The following ZFPM2 variants were observed in gnomAD, a reference collection of about 807,000 sequenced individuals.
ZFPM2 encodes zinc finger protein, FOG family member 2.
Under a neutral mutation model 98.6 loss-of-function variants are expected in ZFPM2, and 20 were observed. That is an observed-to-expected ratio of 0.20 (90% CI 0.14 to 0.29). The LOEUF (loss-of-function observed/expected upper bound fraction) is 0.29, where lower values mean the gene tolerates loss of function less well. ZFPM2 is among the 10% of genes least tolerant of loss of function. The pLI, the probability that ZFPM2 is intolerant of heterozygous loss-of-function variation, is 1.00. For synonymous variants in ZFPM2, 518 were observed against 502.7 expected (o/e 1.03, Z -0.41); for missense variants, 1,310 against 1,388.6 (o/e 0.94, Z 0.90).
At position 105,517,708 on chromosome 8, in the gene ZFPM2, CA is replaced by C. The variant is rs1813962917; in HGVS notation, c.302-43654del. On this transcript the variant is annotated intron_variant, in intron 3 of 7. Transcript: ENST00000407775. Reference sequence around the variant, plus strand: ...ACACACACACCACACACACACACACCACACACACACACACACACACACACAC... The same window carrying C: ...ACACACACACCACACACACACACACCCACACACACACACACACACACACAC... Among the ~76,000 whole-genome samples the C allele has an allele frequency of 7.2e-4, 4 of 5,556 alleles. 1 individual carries two copies. The South Asian group carries it at 0.077, about 107-fold the overall frequency. 3.6% of individuals were successfully genotyped at this position (5,556 alleles called of 152,430 possible).
intron 5 of ZFPM2, among the ~76,000 whole-genome samples, chr8:105,701,225 C>A (rs1416791796): frequency 6.6e-6 from 1 of 152,104 alleles, no homozygotes; most frequent in Non-Finnish European, 1.5e-5. Context: ...AACCTATATT[C>A]TGTTAGGATT....
At chr8:105,334,508 T>C (rs948922282) in intron 1 of ZFPM2, among the ~76,000 whole-genome samples, 1 of 151,718 alleles carries the variant, frequency 6.6e-6, no homozygotes, top group Non-Finnish European at 1.5e-5. Context: ...TTTTAAAGTA[T>C]AGTATTTCTC....
chr8:105,511,666 CA>C (rs1264330431), intron 3 of ZFPM2, among the ~76,000 whole-genome samples: 1 of 152,014 alleles, frequency 6.6e-6, no homozygotes, highest in Non-Finnish European at 1.5e-5. Context: ...AGTTTGGTAC[CA>C]AAAAGTGAAA....
At chr8:105,545,965 T>G (rs1458762518) in intron 3 of ZFPM2, among the ~76,000 whole-genome samples, 1 of 152,142 alleles carries the variant, frequency 6.6e-6, no homozygotes, top group Non-Finnish European at 1.5e-5. Flanking sequence ...TGACCCACCT[T>G]TGATGTTGCC....
intron 5 of ZFPM2, among the ~76,000 whole-genome samples, chr8:105,658,113 T>A (rs1817319487): frequency 6.6e-6 from 1 of 152,226 alleles, no homozygotes; most frequent in Admixed American, 6.5e-5. Context: ...CAATGGATTC[T>A]TCAAAAGAGG....
intron 4 of ZFPM2, among the ~76,000 whole-genome samples, chr8:105,609,701 T>C (rs1816267092): frequency 6.6e-6 from 1 of 152,180 alleles, no homozygotes; most frequent in Non-Finnish European, 1.5e-5. Flanking sequence ...TGCATAGTAC[T>C]TTGAAATATT....
chr8:105,637,276 G>A (rs1221020664), intron 5 of ZFPM2, among the ~76,000 whole-genome samples: 2 of 152,000 alleles, frequency 1.3e-5, no homozygotes, highest in Non-Finnish European at 2.9e-5. Context: ...GTTAAATGAT[G>A]AGTAACAATC....
At chr8:105,698,166 G>C (rs181190298) in intron 5 of ZFPM2, among the ~76,000 whole-genome samples, 1 of 152,254 alleles carries the variant, frequency 6.6e-6, no homozygotes, top group East Asian at 1.9e-4. Context: ...AATTACCTTT[G>C]AATACTAGTT....
Position 105,802,064 on chromosome 8 carries a change from A to G in ZFPM2, c.1982A>G (p.Asp661Gly). The G allele has an allele frequency of 6.2e-7, 1 of 1,613,814 alleles. No homozygotes were observed. The highest frequency in any genetic ancestry group is 8.5e-7 in the Non-Finnish European group (1 of 1,179,862). Residue 661 changes from aspartate to glycine, a missense_variant, in exon 8 of 8, where the codon GAC becomes GGC. Transcript: ENST00000407775. The stretch of plus-strand genomic sequence containing the variant: ...CTCTCCACCTCCAGTAACAATGATG[A>G]CAAAATTAATGGAAAACCTGTTGAT... ...KKLSTSSNND[D>G]KINGKPVDVK...
At position 105,783,210 on chromosome 8, in the gene ZFPM2, GTT is replaced by G. The variant is rs753557703; in HGVS notation, c.533-5485_533-5484del. Among the ~76,000 whole-genome samples the G allele has an allele frequency of 9.7e-3, 861 of 88,972 alleles. 2 individuals carry two copies. Among genetic ancestry groups the G allele is most frequent in the African/African-American group, 0.034 (779 of 23,190 alleles). The allele number at this position is 88,972 out of a possible 152,430, so 58.4% of individuals were successfully genotyped here. On this transcript the variant is annotated intron_variant, in intron 5 of 7. Transcript: ENST00000407775. ...ATCTTATCCCTTGTGTTTCTTTATG[GTT>G]TTTTTTTTTTTTTTTTTTTTTTGGT...
intron 5 of ZFPM2, among the ~76,000 whole-genome samples, chr8:105,785,965 C>T (rs1813402877): frequency 6.7e-6 from 1 of 148,826 alleles, no homozygotes; most frequent in South Asian, 2.1e-4. Context: ...TGGCATGAAA[C>T]CCAGAGGCAG....
intron 5 of ZFPM2, among the ~76,000 whole-genome samples, chr8:105,661,869 GT>G (rs918433178): frequency 1.3e-5 from 2 of 152,066 alleles, no homozygotes; most frequent in African/African-American, 4.8e-5. Flanking sequence ...GTTTAATTGA[GT>G]TTTACACAAC....
At chr8:105,708,914 G>T (rs961815538) in intron 5 of ZFPM2, among the ~76,000 whole-genome samples, 2 of 152,216 alleles carry the variant, frequency 1.3e-5, no homozygotes, top group Non-Finnish European at 1.5e-5. Flanking sequence ...ATCATCCAAG[G>T]TTTCTTATTT....
At chr8:105,627,071 C>G (rs574783625) in intron 4 of ZFPM2, among the ~76,000 whole-genome samples, 8 of 152,212 alleles carry the variant, frequency 5.3e-5, no homozygotes, top group Admixed American at 3.3e-4. Context: ...CCTGGGACAA[C>G]ATTATGTCAC....
intron 3 of ZFPM2, among the ~76,000 whole-genome samples, chr8:105,515,446 G>A (rs910630137): frequency 6.6e-6 from 1 of 152,128 alleles, no homozygotes; most frequent in Non-Finnish European, 1.5e-5. Flanking sequence ...CAAGAAGTAA[G>A]ATTAAAAGCT....
At chr8:105,785,409 T>A (rs1586263759) in intron 5 of ZFPM2, among the ~76,000 whole-genome samples, 1 of 109,408 alleles carries the variant, frequency 9.1e-6, no homozygotes, top group East Asian at 2.5e-4. Flanking sequence ...GACCCTGTGT[T>A]TGGACTTTGC....
At chr8:105,770,355 C>A (rs1812952886) in intron 5 of ZFPM2, among the ~76,000 whole-genome samples, 1 of 152,002 alleles carries the variant, frequency 6.6e-6, no homozygotes, top group Non-Finnish European at 1.5e-5. Context: ...GAGTGTGGGT[C>A]TTTGAACTTA....
intron 4 of ZFPM2, among the ~76,000 whole-genome samples, chr8:105,633,016 T>C (rs1816781413): frequency 6.6e-6 from 1 of 152,228 alleles, no homozygotes; most frequent in South Asian, 2.1e-4. Context: ...GGGTCAGCAT[T>C]CATTTTATGC....
At chr8:105,496,215 T>C (rs1447856775) in intron 3 of ZFPM2, among the ~76,000 whole-genome samples, 1 of 152,170 alleles carries the variant, frequency 6.6e-6, no homozygotes, top group Non-Finnish European at 1.5e-5. Flanking sequence ...CTCACTATGT[T>C]GTCCAGGCTG....
Sources: allele counts gnomAD v4.1 joint callset (sites outside exome capture counted in the v4.1 genomes callset), GRCh38; gene constraint gnomAD v4.1.1; transcripts MANE v1.5; gene names NCBI Gene and HGNC (gene_info 2026-07-23, HGNC 2026-07-21).